ZFHX3: variants seen among roughly 807,000 people sequenced by gnomAD.
ZFHX3 encodes the protein zinc finger homeobox 3.
Under a neutral mutation model 279.1 loss-of-function variants are expected in ZFHX3, and 42 were observed. The ratio of observed to expected loss-of-function variants is 0.15; its 90% CI spans 0.12 to 0.19. The LOEUF is 0.19. Among genes scored for constraint, ZFHX3 ranks in the 10% least tolerant of loss-of-function variants. The pLI is 1.00. For synonymous variants in ZFHX3, 2,293 were observed against 1,957.8 expected, an observed-to-expected ratio of 1.17 and a Z score of -4.52; for missense variants, 4,981 against 4,754.0, an observed-to-expected ratio of 1.05 and a Z score of -1.40.
intron 2 of ZFHX3, among the ~76,000 whole-genome samples, chr16:72,956,467 G>A (rs1452777524): frequency 6.6e-6 from 1 of 152,208 alleles, no homozygotes; most frequent in East Asian, 1.9e-4. Context: ...CCCATCTGTA[G>A]ATTGTTTTGG....
At chr16:72,950,391 C>T in intron 3 of ZFHX3, 78 bp downstream of exon 3, 2 of 1,560,548 alleles carry the variant, frequency 1.3e-6, no homozygotes, top group South Asian at 1.2e-5. Flanking sequence ...CGACTCCTCC[C>T]CAGTGCTCCC....
At chr16:73,495,126 A>G (rs1347849393) in intron 2 of ZFHX3, among the ~76,000 whole-genome samples, 1 of 152,204 alleles carries the variant, frequency 6.6e-6, no homozygotes, top group African/African-American at 2.4e-5. Flanking sequence ...ATTGTGATGG[A>G]TTGATACTTA....
intron 8 of ZFHX3, among the ~76,000 whole-genome samples, chr16:73,064,946 G>C (rs1022808102): frequency 6.6e-6 from 1 of 152,172 alleles, no homozygotes; most frequent in African/African-American, 2.4e-5. Flanking sequence ...GTAAAGCCTG[G>C]GGCGAGTGAA....
At chr16:73,244,163 C>A (rs2144947278) in intron 5 of ZFHX3, among the ~76,000 whole-genome samples, 1 of 152,268 alleles carries the variant, frequency 6.6e-6, no homozygotes, top group South Asian at 2.1e-4. Context: ...GAAGTGGCAG[C>A]ACTGGTCCAT....
chr16:73,854,397 G>A (rs543236604), intron 1 of ZFHX3, among the ~76,000 whole-genome samples: 1 of 152,086 alleles, frequency 6.6e-6, no homozygotes, highest in South Asian at 2.1e-4. Context: ...CGTGGTAGGA[G>A]GCACCTGTAG....
intron 3 of ZFHX3, among the ~76,000 whole-genome samples, chr16:73,415,814 T>C (rs1324347261): frequency 6.6e-6 from 1 of 152,124 alleles, no homozygotes; most frequent in Non-Finnish European, 1.5e-5. Context: ...GGCTTAGAGA[T>C]GGCATTTTCA....
intron 3 of ZFHX3, among the ~76,000 whole-genome samples, chr16:73,352,708 A>C (rs1368976392): frequency 3.3e-5 from 5 of 151,878 alleles, no homozygotes. Context: ...TTCAATACTC[A>C]TCAAGCTGTT....
chr16:73,722,734 C>CA (rs1381477517), intron 1 of ZFHX3, among the ~76,000 whole-genome samples: 10 of 151,896 alleles, frequency 6.6e-5, no homozygotes, highest in African/African-American at 2.2e-4. Context: ...GAAGGGCTCA[C>CA]AAAAAAAGTT....
rs2014582086 is a variant in ZFHX3, at chr16:73,285,841, T to G, written c.-1193-28705A>C. 2.0e-5 allele frequency among the ~76,000 whole-genome samples: 3 copies of G among 152,192 alleles called. No individual in the cohort carries two copies. In the South Asian group the frequency reaches 6.2e-4, roughly 32 times the overall value. On this transcript the variant is annotated intron_variant, in intron 4 of 17. Coordinates refer to the ZFHX3 transcript ENST00000641206. Reference sequence around the variant, plus strand: ...TGTTTTTCAAACATATTACACATATTTTTACATTATTAAAAACACACGCTT... The same window carrying G: ...TGTTTTTCAAACATATTACACATATGTTTACATTATTAAAAACACACGCTT...
chr16:73,317,367 T>G (rs1024256281), intron 4 of ZFHX3, among the ~76,000 whole-genome samples: 4 of 152,204 alleles, frequency 2.6e-5, no homozygotes, highest in African/African-American at 9.6e-5. Flanking sequence ...CCTGCTAATG[T>G]TACCCGGCAG....
chr16:73,438,877 C>A (rs779455464), intron 3 of ZFHX3, among the ~76,000 whole-genome samples: 14 of 152,194 alleles, frequency 9.2e-5, no homozygotes, highest in Admixed American at 6.5e-4. Context: ...ATCAGACTCA[C>A]AAAATAGCAA....
intron 1 of ZFHX3, among the ~76,000 whole-genome samples, chr16:72,986,129 A>G (rs1597056356): frequency 6.6e-6 from 1 of 151,428 alleles, no homozygotes; most frequent in South Asian, 2.1e-4. Flanking sequence ...TCCCAGGGAC[A>G]GGCACTCCAT....
chr16:73,390,998 C>A (rs1007193726), intron 3 of ZFHX3, among the ~76,000 whole-genome samples: 8 of 150,958 alleles, frequency 5.3e-5, no homozygotes, highest in Non-Finnish European at 1.2e-4. Flanking sequence ...TTTTTTAAAC[C>A]AGCTAATCCC....
chr16:72,929,700 T>C (rs1291962102), intron 3 of ZFHX3, among the ~76,000 whole-genome samples: 1 of 152,208 alleles, frequency 6.6e-6, no homozygotes, highest in Non-Finnish European at 1.5e-5. Context: ...ACATAAACAG[T>C]AACACCTCAT....
chr16:72,887,001 A>G (rs2038642561), intron 4 of ZFHX3, among the ~76,000 whole-genome samples: 1 of 152,262 alleles, frequency 6.6e-6, no homozygotes, highest in Non-Finnish European at 1.5e-5. Flanking sequence ...GTGACCTTCA[A>G]GTGACAAAAA....
At chr16:73,119,166 C>T (rs1239628480) in intron 7 of ZFHX3, among the ~76,000 whole-genome samples, 2 of 151,984 alleles carry the variant, frequency 1.3e-5, no homozygotes, top group African/African-American at 4.8e-5. Context: ...TGCAGTGGTG[C>T]GATCATGGCT....
At chr16:73,179,265 ATCCTG>A (rs1967736671) in intron 5 of ZFHX3, among the ~76,000 whole-genome samples, 3 of 152,282 alleles carry the variant, frequency 2.0e-5, no homozygotes, top group African/African-American at 7.2e-5. Flanking sequence ...GGGAATCTAG[ATCCTG>A]TCCTCTGACA....
intron 2 of ZFHX3, among the ~76,000 whole-genome samples, chr16:73,518,579 C>T (rs1008547173): frequency 3.3e-5 from 5 of 152,100 alleles, no homozygotes; most frequent in East Asian, 3.9e-4. Context: ...GACTCTGCCC[C>T]GAGCAAGACA....
chr16:73,392,466 C>G (rs1446021416), intron 3 of ZFHX3, among the ~76,000 whole-genome samples: 1 of 83,102 alleles, frequency 1.2e-5, no homozygotes, highest in Non-Finnish European at 2.7e-5. Context: ...GAAATAGCAA[C>G]AAAAGCATTT....
Sources: gnomAD v4.1 joint callset for allele counts (sites outside exome capture counted in the v4.1 genomes callset) on GRCh38, gnomAD v4.1.1 for gene constraint, MANE v1.5 for transcripts, NCBI Gene and HGNC (gene_info 2026-07-23, HGNC 2026-07-21) for gene names.